PPP1R16A: variants seen among roughly 807,000 people sequenced by gnomAD.
PPP1R16A encodes the protein myosin phosphatase-targeting subunit 3.
PPP1R16A carries 39 observed loss-of-function variants against 46.6 expected under a neutral mutation model. The ratio of observed to expected loss-of-function variants is 0.84; its 90% CI spans 0.65 to 1.09. The LOEUF (loss-of-function observed/expected upper bound fraction) is 1.09. Ranked by LOEUF, PPP1R16A falls within the 50% of genes least tolerant of loss-of-function variation. PPP1R16A has a pLI of 0.00. For synonymous variants in PPP1R16A, 413 were observed against 321.5 expected (o/e 1.28, Z -3.04); for missense variants, 798 against 735.6 (o/e 1.08, Z -0.98).
At chr8:144,495,464 C>T (rs1826010661) in intron 2 of PPP1R16A, 1 of 152,250 alleles carries the variant, frequency 6.6e-6, no homozygotes, top group African/African-American at 2.4e-5. Context: ...TTCTCGGAGT[C>T]TCGCTCTGTC....
At chr8:144,483,347 C>T (rs998763017) in intron 1 of PPP1R16A, among the ~76,000 whole-genome samples, 3 of 152,202 alleles carry the variant, frequency 2.0e-5, no homozygotes, top group Admixed American at 6.5e-5. Context: ...TCCTTCATCA[C>T]GTGAATTTTT....
intron 2 of PPP1R16A, among the ~76,000 whole-genome samples, chr8:144,490,984 A>T (rs1825790973): frequency 2.0e-5 from 3 of 151,744 alleles, no homozygotes; most frequent in Non-Finnish European, 4.4e-5. Flanking sequence ...GCTGGACCCC[A>T]GGAAGTTGAG....
chr8:144,501,284 C>G lies in PPP1R16A; in HGVS notation c.1193C>G (p.Pro398Arg). 6.3e-7 allele frequency: 1 copy of G among 1,588,360 alleles called. No homozygotes were observed. The highest frequency in any genetic ancestry group is 1.1e-5 in the South Asian group (1 of 89,348). ...DRQTGAELRP[P>R]PPEEDNPEVV... Reference sequence around the variant, plus strand: ...CAGACAGGCGCAGAGCTCAGGCCGCCGCCCCCGGAGGTGAGCGCCCCGTCC... The same window carrying G: ...CAGACAGGCGCAGAGCTCAGGCCGCGGCCCCCGGAGGTGAGCGCCCCGTCC... Residue 398 changes from proline (P) to arginine (R), a missense_variant, in exon 11 of 12, where the codon CCG becomes CGG. Coordinates refer to ENST00000435887, the MANE Select transcript of PPP1R16A (RefSeq NM_001329443.2).
At chr8:144,478,179 G>T in intron 1 of PPP1R16A, 52 bp downstream of exon 1, 1 of 393,970 alleles carries the variant, frequency 2.5e-6, no homozygotes, top group Non-Finnish European at 4.5e-6. Flanking sequence ...AGGGAGAGGG[G>T]CCCCGGCCAG....
chr8:144,501,442 A>G, intron 11 of PPP1R16A, 78 bp from the exon 12 acceptor site: 1 of 1,482,550 alleles, frequency 6.7e-7, no homozygotes, highest in Non-Finnish European at 9.0e-7. Flanking sequence ...CTGTCCCTTC[A>G]TGACCATACA....
At chr8:144,484,486 A>C (rs985769538) in intron 1 of PPP1R16A, among the ~76,000 whole-genome samples, 1 of 152,204 alleles carries the variant, frequency 6.6e-6, no homozygotes, top group Non-Finnish European at 1.5e-5. Context: ...CTTTTGGTCT[A>C]GGGCTGGCTT....
In PPP1R16A at chr8:144,498,983, G is replaced by A; in HGVS notation, c.398G>A (p.Cys133Tyr). ...LLEAGANINA[C>Y]DSECWTPLHA... ...GAGGCTGGGGCCAACATCAATGCCTGTGACAGTGAGTGCTGGACGCCTCTG... is the reference window on the plus strand; with the variant it reads ...GAGGCTGGGGCCAACATCAATGCCTATGACAGTGAGTGCTGGACGCCTCTG... The change falls in exon 5 of 12, where the codon TGT becomes TAT. Residue 133 changes from cysteine to tyrosine, a missense_variant. Physicochemically the swap from Cys to Tyr is radical, Grantham distance 194. Transcript: ENST00000435887. The A allele has an allele frequency of 1.2e-6, 2 of 1,611,578 alleles. No individual in the cohort carries two copies. The highest frequency in any genetic ancestry group is 1.7e-6 in the Non-Finnish European group (2 of 1,179,456).
At position 144,498,785 on chromosome 8, in the gene PPP1R16A, G is replaced by C; in HGVS notation, c.275G>C (p.Gly92Ala). Residue 92 changes from glycine to alanine, a missense_variant, in exon 4 of 12, where the codon GGG becomes GCG. Gly to Ala is a moderately conservative substitution (Grantham distance 60). Coordinates refer to ENST00000435887, the MANE Select transcript of PPP1R16A (RefSeq NM_001329443.2). ...NDLEEVRQFL[G>A]SGVSPDLANE... The stretch of plus-strand genomic sequence containing the variant: ...CTTTTTGCAGTCCGCCAGTTCCTTG[G>C]GAGTGGGGTCAGCCCTGACTTGGCC... 1.3e-6 allele frequency: 2 copies of C among 1,591,864 alleles called. No homozygotes were observed. The highest frequency in any genetic ancestry group is 1.3e-5 in the African/African-American group (1 of 74,696).
chr8:144,489,612 C>T (rs1437478087), intron 1 of PPP1R16A, among the ~76,000 whole-genome samples: 2 of 152,136 alleles, frequency 1.3e-5, no homozygotes, highest in Admixed American at 6.5e-5. Context: ...TGCAGAGGCC[C>T]CTCCAGAGCC....
rs1476098381 is a variant in PPP1R16A, at chr8:144,500,897, C to T, written c.963C>T (p.His321=). The T allele has an allele frequency of 1.9e-6, 3 of 1,542,984 alleles. No individual in the cohort carries two copies. Among genetic ancestry groups the T allele is most frequent in the East Asian group, 2.5e-5 (1 of 39,874 alleles). The change falls in exon 10 of 12, where the codon CAC becomes CAT. Residue 321 remains histidine, a synonymous_variant. Transcript: ENST00000435887. ...RAKLLELKHK[H]DALLRAQSRQ... is the part of the protein sequence containing the mutation. ...AGCTGCTGGAGCTGAAGCACAAGCA[C>T]GACGCCCTCCTGCGCGCCCAGAGCC...
At position 144,500,573 on chromosome 8, in the gene PPP1R16A, C is replaced by A; in HGVS notation, c.792C>A (p.Asp264Glu). 1 of 1,598,432 alleles carries A rather than the reference C, an allele frequency of 6.3e-7. No homozygotes were observed. The highest frequency in any genetic ancestry group is 1.7e-5 in the Admixed American group (1 of 59,886). Residue 264 changes from aspartate (D) to glutamate (E), a missense_variant, in exon 8 of 12, where the codon GAC becomes GAA. Coordinates refer to ENST00000435887, the MANE Select transcript of PPP1R16A (RefSeq NM_001329443.2). ...HRASLSAKDQ[D>E]GWEPLHAAAY... ...CCAGCCTGAGCGCTAAGGACCAAGA[C>A]GGCTGGGAGCCGCTGCACGCCGCGG...
At chr8:144,496,374 T>TCTCACCTGAGGCCCAGGGCAGGGG (rs1826067771) in intron 2 of PPP1R16A, 87 bp from the exon 3 acceptor site, 1 of 152,676 alleles carries the variant, frequency 6.5e-6, no homozygotes, top group South Asian at 2.1e-4. Context: ...GGAAGCCTGG[T>TCTCACCTGAGGCCCAGGGCAGGGG]CTCACCTGAG....
At chr8:144,498,875 T>C (rs1414834239) in intron 4 of PPP1R16A, 35 bp downstream of exon 4, 6 of 1,612,354 alleles carry the variant, frequency 3.7e-6, no homozygotes, top group Non-Finnish European at 5.1e-6. Context: ...GGGTGGGGGC[T>C]GGCCCCCGTG....
At chr8:144,481,139 C>T (rs1198384683) in intron 1 of PPP1R16A, among the ~76,000 whole-genome samples, 1 of 151,678 alleles carries the variant, frequency 6.6e-6, no homozygotes, top group Non-Finnish European at 1.5e-5. Context: ...ATCCGCCCGC[C>T]TCGGCCTCCC....
intron 3 of PPP1R16A, chr8:144,498,533 G>A (rs1826217046): frequency 1.9e-6 from 1 of 527,120 alleles, no homozygotes. Context: ...GGGTCGGAGG[G>A]CTGGAGCACC....
chr8:144,487,919 G>A (rs1825675878), intron 1 of PPP1R16A, among the ~76,000 whole-genome samples: 1 of 152,194 alleles, frequency 6.6e-6, no homozygotes, highest in South Asian at 2.1e-4. Flanking sequence ...GGATGAATTT[G>A]GGGAGAAATG....
rs190671973 is a variant in PPP1R16A, at chr8:144,483,519, C to T, written c.-914+5392C>T. On this transcript the variant is annotated intron_variant, in intron 1 of 11. Transcript: ENST00000435887. ...CTGCCTCCTGGATTCAAGTGATTCT[C>T]GTGCCTCAGCTTCCTGAGTAGCTGA... Among the ~76,000 whole-genome samples the T allele has an allele frequency of 1.7e-3, 254 of 152,182 alleles. 1 individual carries two copies. Among genetic ancestry groups the T allele is most frequent in the African/African-American group, 5.9e-3 (245 of 41,510 alleles).
chr8:144,497,890 G>C (rs969220227), intron 3 of PPP1R16A: 53 of 369,492 alleles, frequency 1.4e-4, no homozygotes, highest in Non-Finnish European at 2.7e-4. Flanking sequence ...GGGTGAGAGA[G>C]CCAGGCCCTG....
At chr8:144,485,128 G>A (rs1402030214) in intron 1 of PPP1R16A, among the ~76,000 whole-genome samples, 1 of 149,200 alleles carries the variant, frequency 6.7e-6, no homozygotes, top group Non-Finnish European at 1.5e-5. Context: ...CCAGAGAGGA[G>A]GCTCCTTAGG....
Sources: gnomAD v4.1 joint callset for allele counts (sites outside exome capture counted in the v4.1 genomes callset) on GRCh38, gnomAD v4.1.1 for gene constraint, MANE v1.5 for transcripts, NCBI Gene and HGNC (gene_info 2026-07-23, HGNC 2026-07-21) for gene names.